Variants in PACSIN2 observed in about 807,000 individuals in gnomAD.
The protein encoded by PACSIN2 is protein kinase C and casein kinase substrate in neurons protein 2.
PACSIN2 carries 25 observed loss-of-function variants against 63.8 expected under a neutral mutation model. The ratio of observed to expected loss-of-function variants is 0.39; its 90% CI spans 0.29 to 0.55. The LOEUF is 0.55. Among genes scored for constraint, PACSIN2 ranks in the 20% least tolerant of loss-of-function variants. PACSIN2 has a pLI of 0.62. For synonymous variants in PACSIN2, 255 were observed against 256.2 expected (o/e 1.00, Z 0.05); for missense variants, 518 against 646.9 (o/e 0.80, Z 2.16).
intron 1 of PACSIN2, among the ~76,000 whole-genome samples, chr22:42,989,779 C>T (rs549312827): frequency 4.7e-5 from 7 of 147,990 alleles, no homozygotes; most frequent in South Asian, 2.1e-4. Flanking sequence ...CCAGCCTGGG[C>T]GACACAGTGA....
At chr22:42,998,467 G>T (rs564068892) in intron 1 of PACSIN2, among the ~76,000 whole-genome samples, 1 of 152,230 alleles carries the variant, frequency 6.6e-6, no homozygotes, top group Admixed American at 6.5e-5. Context: ...AGCAAGAAAA[G>T]GGCAACAATA....
At chr22:42,923,377 T>C (rs1185267647) in intron 1 of PACSIN2, among the ~76,000 whole-genome samples, 2 of 152,170 alleles carry the variant, frequency 1.3e-5, no homozygotes, top group Admixed American at 6.5e-5. Flanking sequence ...CAGGCCCGCA[T>C]CTGCTCACCT....
At chr22:43,007,097 C>G (rs1480949074) in intron 1 of PACSIN2, among the ~76,000 whole-genome samples, 1 of 152,110 alleles carries the variant, frequency 6.6e-6, no homozygotes, top group African/African-American at 2.4e-5. Flanking sequence ...AGATCTTCAT[C>G]CCGGTATTTT....
intron 1 of PACSIN2, among the ~76,000 whole-genome samples, chr22:42,956,505 T>C (rs556047486): frequency 7.2e-5 from 11 of 152,194 alleles, no homozygotes; most frequent in Non-Finnish European, 1.6e-4. Flanking sequence ...CATTCATTCA[T>C]TCATTCATTC....
rs1215609549 is a variant in PACSIN2 at position 43,005,255 on chromosome 22, T to C, written c.-78+9766A>G. ...TAAGCTATCATTACCAGTACTCCCT[T>C]CCAATCCTGAGTCACTACGTGTAGT... On this transcript the variant is annotated intron_variant, in intron 1 of 10. Coordinates refer to ENST00000263246, the MANE Select transcript of PACSIN2 (RefSeq NM_001184970.3). 4.6e-5 allele frequency among the ~76,000 whole-genome samples: 7 copies of C among 152,216 alleles called. No individual in the cohort carries two copies. The South Asian group carries it at 1.4e-3, about 32-fold the overall frequency.
chr22:42,874,852 CTTTTTTTT>C (rs777530387), intron 10 of PACSIN2, among the ~76,000 whole-genome samples: 1 of 128,212 alleles, frequency 7.8e-6, no homozygotes, highest in Non-Finnish European at 1.7e-5. Flanking sequence ...TGGGCATCCG[CTTTTTTTT>C]TTTTTTTTGA....
intron 1 of PACSIN2, among the ~76,000 whole-genome samples, chr22:42,961,956 C>A (rs891847166): frequency 6.6e-6 from 1 of 152,150 alleles, no homozygotes; most frequent in African/African-American, 2.4e-5. Context: ...TTCACTATAT[C>A]CTGTGGTTGG....
intron 1 of PACSIN2, among the ~76,000 whole-genome samples, chr22:42,999,473 C>T (rs951417083): frequency 3.3e-5 from 5 of 152,176 alleles, no homozygotes; most frequent in Admixed American, 3.3e-4. Flanking sequence ...AATTCAAGAC[C>T]AGCCTGACCA....
intron 2 of PACSIN2, among the ~76,000 whole-genome samples, chr22:42,900,931 G>A (rs896124091): frequency 1.2e-4 from 18 of 152,260 alleles, no homozygotes; most frequent in Admixed American, 2.0e-4. Context: ...GAGATGATGC[G>A]TGTGCTTCCA....
chr22:42,984,785 C>T (rs145179845), intron 1 of PACSIN2, among the ~76,000 whole-genome samples: 7 of 152,230 alleles, frequency 4.6e-5, no homozygotes, highest in African/African-American at 9.6e-5. Flanking sequence ...AAAACATCCC[C>T]AAGACTAAGA....
intron 1 of PACSIN2, among the ~76,000 whole-genome samples, chr22:42,998,678 G>A (rs567137299): frequency 6.6e-6 from 1 of 152,292 alleles, no homozygotes; most frequent in Admixed American, 6.5e-5. Flanking sequence ...CGAGGCAGAA[G>A]GGCAGGGTCC....
At chr22:42,913,309 GTC>G (rs1317024015) in intron 1 of PACSIN2, among the ~76,000 whole-genome samples, 1 of 152,030 alleles carries the variant, frequency 6.6e-6, no homozygotes, top group African/African-American at 2.4e-5. Context: ...GAGAAACCCC[GTC>G]TCTACTAAAA....
intron 1 of PACSIN2, among the ~76,000 whole-genome samples, chr22:42,989,709 A>G (rs1463448317): frequency 4.6e-5 from 7 of 151,898 alleles, no homozygotes; most frequent in African/African-American, 1.7e-4. Flanking sequence ...GAGGTAGGAG[A>G]ATCATTTGAA....
At chr22:42,900,722 A>G (rs1930627654) in intron 2 of PACSIN2, among the ~76,000 whole-genome samples, 3 of 152,074 alleles carry the variant, frequency 2.0e-5, no homozygotes, top group Non-Finnish European at 2.9e-5. Flanking sequence ...AATCCTCCCA[A>G]CTTGGACTCC....
chr22:42,904,328 T>G lies in PACSIN2; in HGVS notation c.60+7693A>C, dbSNP rs374693507. 1.6e-3 allele frequency among the ~76,000 whole-genome samples: 242 copies of G among 152,334 alleles called. 7 individuals are homozygous for G. In the South Asian group the frequency reaches 0.049, roughly 31 times the overall value. ...CTCCCATCCTGGAGCCCTGGGTCTC[T>G]GGGAAGACATGCACTGCTCACTTGC... On this transcript the variant is annotated intron_variant, in intron 2 of 10. Coordinates refer to ENST00000263246, the MANE Select transcript of PACSIN2 (RefSeq NM_001184970.3).
Position 42,871,272 on chromosome 22 carries a change from C to G in PACSIN2, c.*85G>C, listed in dbSNP as rs756709036. ...AGAGCAATGGAACCATCATCTCTTG[C>G]AGGAAAAGGAGTGGATGCCCACGTG... On this transcript the variant is annotated 3_prime_UTR_variant, in exon 11 of 11. Coordinates refer to ENST00000263246, the MANE Select transcript of PACSIN2 (RefSeq NM_001184970.3). The surrounding 1 kb of genome is among the most constrained non-coding windows in gnomAD (Gnocchi z 5.4). 34 of 812,162 alleles carry G rather than the reference C, an allele frequency of 4.2e-5. No homozygotes were observed. Among genetic ancestry groups the G allele is most frequent in the Middle Eastern group, 2.5e-4 (1 of 4,006 alleles). 50.3% of individuals were successfully genotyped at this position (812,162 alleles called of 1,614,324 possible).
chr22:42,880,468 G>T (rs1881239928), intron 7 of PACSIN2: 1 of 152,178 alleles, frequency 6.6e-6, no homozygotes, highest in Non-Finnish European at 1.5e-5. Flanking sequence ...GCACTGATGG[G>T]AAGGGCCGGC....
chr22:43,013,963 A>T (rs1467434488), intron 1 of PACSIN2, among the ~76,000 whole-genome samples: 1 of 152,184 alleles, frequency 6.6e-6, no homozygotes, highest in Non-Finnish European at 1.5e-5. Flanking sequence ...CAAGAGTGGC[A>T]TCCCCAGGTC....
At chr22:42,876,398 C>A in intron 9 of PACSIN2, 65 bp from the exon 10 acceptor site, 1 of 1,430,600 alleles carries the variant, frequency 7.0e-7, no homozygotes. Flanking sequence ...GGCCCCCGCC[C>A]CGCAAGGGGA....
Sources: gnomAD v4.1 joint callset for allele counts (sites outside exome capture counted in the v4.1 genomes callset) on GRCh38, gnomAD v4.1.1 for gene constraint, Gnocchi (gnomAD v3.1) non-coding constraint, MANE v1.5 for transcripts, NCBI Gene and HGNC (gene_info 2026-07-23, HGNC 2026-07-21) for gene names.